Variants in PUS10 observed in about 807,000 individuals in gnomAD.
PUS10 encodes tRNA pseudouridine synthase Pus10.
Under a neutral mutation model 75.0 loss-of-function variants are expected in PUS10, and 59 were observed. The ratio of observed to expected loss-of-function variants is 0.79; its 90% confidence interval spans 0.64 to 0.98. The LOEUF (loss-of-function observed/expected upper bound fraction) is 0.98. Among genes scored for constraint, PUS10 ranks in the 50% least tolerant of loss-of-function variants. The probability of loss-of-function intolerance (pLI) is 0.00; values close to 1 mark genes in which losing one functional copy is unlikely to be tolerated. For synonymous variants in PUS10, 219 were observed against 211.6 expected (o/e 1.03, Z -0.30); for missense variants, 650 against 614.4 (o/e 1.06, Z -0.61).
intron 15 of PUS10, among the ~76,000 whole-genome samples, chr2:60,951,794 T>C (rs538301724): frequency 6.6e-6 from 1 of 152,348 alleles, no homozygotes; most frequent in East Asian, 1.9e-4. Flanking sequence ...TCATCCTCTA[T>C]AGAGTCTATA....
intron 1 of PUS10, chr2:61,017,425 C>G (rs939261058): frequency 3.5e-5 from 8 of 230,216 alleles, no homozygotes; most frequent in African/African-American, 1.4e-4. Context: ...TTACTCCCAG[C>G]CCGACTGGTC....
chr2:60,969,853 G>A (rs746416187), intron 5 of PUS10, among the ~76,000 whole-genome samples: 3 of 152,120 alleles, frequency 2.0e-5, no homozygotes, highest in Admixed American at 6.5e-5. Context: ...TTGGGAGGCC[G>A]AGGCATGTGG....
intron 11 of PUS10, among the ~76,000 whole-genome samples, chr2:60,957,005 GA>G (rs1022672706): frequency 3.6e-5 from 4 of 109,982 alleles, no homozygotes; most frequent in East Asian, 2.6e-4. Context: ...AAAAAAGAAA[GA>G]AAAAAAAAGA....
intron 16 of PUS10, among the ~76,000 whole-genome samples, chr2:60,946,615 A>C (rs1390761375): frequency 6.6e-6 from 1 of 152,174 alleles, no homozygotes; most frequent in Non-Finnish European, 1.5e-5. Context: ...CTGGAGTCTA[A>C]ATTGATCATC....
chr2:60,967,334 C>A, intron 6 of PUS10, 168 bp downstream of exon 6: 1 of 499,110 alleles, frequency 2.0e-6, no homozygotes. Context: ...AAAAGAAATG[C>A]TTTGACTTCA....
intron 3 of PUS10, among the ~76,000 whole-genome samples, chr2:61,007,623 G>A (rs1421397659): frequency 6.6e-6 from 1 of 151,258 alleles, no homozygotes; most frequent in Non-Finnish European, 1.5e-5. Flanking sequence ...ACAAAAATCA[G>A]CTGGGCGTGG....
Position 60,952,939 on chromosome 2 carries a change from G to A in PUS10, c.1308+58C>T, listed in dbSNP as rs570052941. On this transcript the variant is annotated intron_variant, in intron 15 of 17. Coordinates refer to ENST00000316752, the MANE Select transcript of PUS10 (RefSeq NM_144709.4). The stretch of plus-strand genomic sequence containing the variant: ...TGCTAGTAATAAATTAGAAGACAAT[G>A]GGATCTTTGATAGGCAACAGAAAAA... 69 of 963,602 alleles carry A rather than the reference G, an allele frequency of 7.2e-5. No individual in the cohort carries two copies. In the South Asian group the frequency reaches 7.6e-4, roughly 11 times the overall value. 59.7% of individuals were successfully genotyped at this position (963,602 alleles called of 1,614,324 possible). A position where few individuals can be genotyped will look rare whatever the true frequency, so the allele number is the denominator to read the frequency against.
intron 1 of PUS10, among the ~76,000 whole-genome samples, chr2:61,016,518 T>A (rs1679988026): frequency 6.6e-6 from 1 of 152,192 alleles, no homozygotes; most frequent in African/African-American, 2.4e-5. Flanking sequence ...ACAATGTAAG[T>A]TTTCCAGTGT....
At chr2:61,001,676 G>A (rs1441603647) in intron 4 of PUS10, among the ~76,000 whole-genome samples, 2 of 152,182 alleles carry the variant, frequency 1.3e-5, no homozygotes, top group African/African-American at 4.8e-5. Context: ...GAAGTCGGAT[G>A]ACAGGTACAC....
chr2:60,956,641 A>T (rs1391510294), intron 11 of PUS10, among the ~76,000 whole-genome samples: 1 of 152,226 alleles, frequency 6.6e-6, no homozygotes, highest in Non-Finnish European at 1.5e-5. Context: ...CATTTGATTC[A>T]GACTAAAGGA....
chr2:60,979,479 T>C (rs1342867450), intron 4 of PUS10, among the ~76,000 whole-genome samples: 1 of 152,164 alleles, frequency 6.6e-6, no homozygotes, highest in Non-Finnish European at 1.5e-5. Flanking sequence ...AATATTTTCC[T>C]ATAACCACTG....
At chr2:60,974,933 C>G (rs376479426) in intron 4 of PUS10, among the ~76,000 whole-genome samples, 7 of 152,230 alleles carry the variant, frequency 4.6e-5, no homozygotes, top group African/African-American at 1.7e-4. Context: ...GGCAAAGACG[C>G]CACTGTCCAC....
chr2:61,010,892 A>G (rs1679555195), intron 2 of PUS10: 1 of 1,549,220 alleles, frequency 6.5e-7, no homozygotes, highest in South Asian at 1.2e-5. Flanking sequence ...TCTTCATCTG[A>G]AAATAGAGAC....
chr2:61,010,962 T>C (rs973218831), intron 2 of PUS10: 5 of 1,486,812 alleles, frequency 3.4e-6, no homozygotes, highest in African/African-American at 2.8e-5. Context: ...CCTTGACATA[T>C]AGTAATGATA....
At chr2:60,971,890 A>C (rs1157453355) in intron 4 of PUS10, among the ~76,000 whole-genome samples, 2 of 69,938 alleles carry the variant, frequency 2.9e-5, no homozygotes, top group African/African-American at 1.3e-4. Context: ...TTTTTTTTTG[A>C]GACGGAGTCT....
chr2:61,011,958 A>C (rs1679634067), intron 1 of PUS10, 53 bp from the exon 2 acceptor site: 2 of 1,440,782 alleles, frequency 1.4e-6, no homozygotes, highest in Middle Eastern at 1.8e-4. Context: ...TTACTGTCAC[A>C]GACAAGTCAT....
Position 61,004,391 on chromosome 2 carries a change from A to G in PUS10, c.468+2166T>C, listed in dbSNP as rs190399435. On this transcript the variant is annotated intron_variant, in intron 4 of 17. Transcript: ENST00000316752. ...TGTAATTCCAGCACTTTGGGAGGCC[A>G]AGGCGGGCAGATCATGAGGTCAGAA... is the stretch of plus-strand genomic sequence containing the variant. 9.0e-3 allele frequency among the ~76,000 whole-genome samples: 1,364 copies of G among 152,178 alleles called. 20 individuals carry two copies. The highest frequency in any genetic ancestry group is 0.032 in the African/African-American group (1,318 of 41,516).
rs183044731 is a variant in PUS10, at chr2:60,975,951, C to A, written c.469-4394G>T. On this transcript the variant is annotated intron_variant, in intron 4 of 17. Transcript: ENST00000316752. ...TAATTTTTATATTTTTAGTAGAGAC[C>A]GGGTTTCATCATGTTGGCCAGGCTG... is the stretch of plus-strand genomic sequence containing the variant. Among the ~76,000 whole-genome samples the A allele has an allele frequency of 2.2e-4, 33 of 151,968 alleles. No homozygotes were observed. In the East Asian group the frequency reaches 6.0e-3, roughly 28 times the overall value.
intron 4 of PUS10, among the ~76,000 whole-genome samples, chr2:61,001,810 C>CT (rs902161743): frequency 1.3e-5 from 2 of 151,934 alleles, no homozygotes; most frequent in African/African-American, 2.4e-5. Flanking sequence ...TTCCCCCACC[C>CT]TTTTTTTTAT....
Sources: allele counts gnomAD v4.1 joint callset (sites outside exome capture counted in the v4.1 genomes callset), GRCh38; gene constraint gnomAD v4.1.1; transcripts MANE v1.5; gene names NCBI Gene and HGNC (gene_info 2026-07-23, HGNC 2026-07-21).